ABCB5: variants seen among roughly 807,000 people sequenced by gnomAD.
The protein encoded by ABCB5 is ATP binding cassette subfamily B member 5, also known as ATP-binding cassette sub-family B member 5.
ABCB5 carries 155 observed loss-of-function variants against 144.2 expected under a neutral mutation model. The observed-to-expected ratio is 1.08, with a 90% CI of 0.94 to 1.23. The LOEUF (loss-of-function observed/expected upper bound fraction) is 1.23, where lower values mean the gene tolerates loss of function less well. Ranked by LOEUF, ABCB5 falls within the 50% of genes most tolerant of loss-of-function variation. The pLI, the probability that ABCB5 is intolerant of heterozygous loss-of-function variation, is 0.00. For missense variants in ABCB5, 1,830 were observed against 1,520.8 expected, an observed-to-expected ratio of 1.20 and a Z score of -3.38; for synonymous variants, 610 against 528.6, an observed-to-expected ratio of 1.15 and a Z score of -2.11.
intron 14 of ABCB5, among the ~76,000 whole-genome samples, chr7:20,665,750 GAT>G (rs1246116689): frequency 2.2e-5 from 3 of 139,160 alleles, no homozygotes; most frequent in Non-Finnish European, 4.7e-5. Flanking sequence ...TAGATAGATA[GAT>G]AGATAGATAG....
Position 20,623,319 on chromosome 7 carries a change from G to T in ABCB5, c.34G>T (p.Glu12Ter). Residue 12 changes from glutamate (E) to a stop codon, truncating the protein, a stop_gained, in exon 2 of 28, where the codon GAA becomes TAA. Coordinates refer to ENST00000404938, the MANE Select transcript of ABCB5 (RefSeq NM_001163941.2). LOFTEE classifies it high-confidence loss of function. The stretch of plus-strand genomic sequence containing the variant: ...TTCAGAAAGAGCTGAAGAAATGCAA[G>T]AAAATTATCAGAGAAATGGGTAAGC... ...ENSERAEEMQ[E>*]NYQRNGTAEE... The T allele has an allele frequency of 6.5e-7, 1 of 1,549,510 alleles. No homozygotes were observed. Among genetic ancestry groups the T allele is most frequent in the Non-Finnish European group, 8.7e-7 (1 of 1,144,490 alleles).
At position 20,698,560 on chromosome 7, in the gene ABCB5, A is replaced by G. The variant is rs1215602449; in HGVS notation, c.2154+10A>G. On this transcript the variant is annotated intron_variant, in intron 17 of 27. Transcript: ENST00000404938. ...TGCAAAAATTATAACCGTAAGTAAA[A>G]TAAATTTGCTAATACTTTCAGCAAT... 1 of 1,584,850 alleles carries G rather than the reference A, an allele frequency of 6.3e-7. No homozygotes were observed. Among genetic ancestry groups the G allele is most frequent in the African/African-American group, 1.4e-5 (1 of 73,070 alleles).
At chr7:20,645,722 G>A in intron 7 of ABCB5, 34 bp from the exon 8 acceptor site, 1 of 1,611,606 alleles carries the variant, frequency 6.2e-7, no homozygotes, top group Non-Finnish European at 8.5e-7. Flanking sequence ...ACTACACAGA[G>A]TCATTTTTTA....
chr7:20,689,169 A>G (rs906323204), intron 16 of ABCB5, among the ~76,000 whole-genome samples: 2 of 152,158 alleles, frequency 1.3e-5, no homozygotes, highest in African/African-American at 2.4e-5. Context: ...TCTAAAGAAT[A>G]CAGAAGTAGC....
Position 20,721,356 on chromosome 7 carries a change from C to T in ABCB5, c.2422-1660C>T, listed in dbSNP as rs557124418. Reference sequence around the variant, plus strand: ...TATTGTACGGGACTAGTGATAGTATCCATCTCTTTGCATTGTTATGAGATT... The same window carrying T: ...TATTGTACGGGACTAGTGATAGTATTCATCTCTTTGCATTGTTATGAGATT... On this transcript the variant is annotated intron_variant, in intron 20 of 27. Coordinates refer to ENST00000404938, the MANE Select transcript of ABCB5 (RefSeq NM_001163941.2). Among the ~76,000 whole-genome samples, 96 of 152,154 alleles carry T rather than the reference C, an allele frequency of 6.3e-4. No homozygotes were observed. In the South Asian group the frequency reaches 0.015, roughly 24 times the overall value.
chr7:20,692,294 C>T (rs985852945), intron 16 of ABCB5, among the ~76,000 whole-genome samples: 2 of 151,870 alleles, frequency 1.3e-5, no homozygotes, highest in Admixed American at 6.6e-5. Flanking sequence ...ACAAACTTCT[C>T]ATCAGAAACA....
chr7:20,656,999 G>A (rs1422154463), intron 13 of ABCB5, among the ~76,000 whole-genome samples: 1 of 144,986 alleles, frequency 6.9e-6, no homozygotes, highest in Non-Finnish European at 1.5e-5. Flanking sequence ...CTGCAGCCTC[G>A]ACTTCCCAGG....
intron 23 of ABCB5, among the ~76,000 whole-genome samples, chr7:20,731,866 T>C (rs1782234046): frequency 6.6e-6 from 1 of 152,188 alleles, no homozygotes; most frequent in South Asian, 2.1e-4. Flanking sequence ...CTGTCTTGAC[T>C]GGACCACTGC....
chr7:20,753,418 G>C lies in ABCB5; in HGVS notation c.3488G>C (p.Arg1163Thr), dbSNP rs372306266. 93 of 1,613,978 alleles carry C rather than the reference G, an allele frequency of 5.8e-5. No individual in the cohort carries two copies. The highest frequency in any genetic ancestry group is 7.0e-5 in the Non-Finnish European group (83 of 1,180,002). ...CAGCTTTCTGGCGGCCAGAAACAAA[G>C]ACTAGCTATTGCAAGGGCTCTTCTC... The part of the protein sequence containing the change: ...GAQLSGGQKQ[R>T]LAIARALLQK... The change falls in exon 27 of 28, where the codon AGA becomes ACA. Residue 1163 changes from arginine (R) to threonine (T), a missense_variant. Transcript: ENST00000404938.
chr7:20,669,723 T>TAA (rs35747177), intron 14 of ABCB5, among the ~76,000 whole-genome samples: 3,991 of 64,928 alleles, frequency 0.061, 68 homozygotes, highest in African/African-American at 0.18. Flanking sequence ...GAATGATCAA[T>TAA]AAAAAAAAAA....
chr7:20,646,305 T>A (rs892173801), intron 9 of ABCB5, among the ~76,000 whole-genome samples, 167 bp downstream of exon 9: 2 of 152,252 alleles, frequency 1.3e-5, no homozygotes, highest in Admixed American at 6.5e-5. Flanking sequence ...AGTTATGAAT[T>A]GACAGCATTT....
chr7:20,702,255 T>C (rs997683128), intron 19 of ABCB5, among the ~76,000 whole-genome samples: 1 of 152,248 alleles, frequency 6.6e-6, no homozygotes, highest in South Asian at 2.1e-4. Context: ...TATAGAGCTA[T>C]TGAGTTTTTG....
chr7:20,631,968 T>C (rs1380163761), intron 4 of ABCB5, 91 bp from the exon 5 acceptor site: 3 of 655,328 alleles, frequency 4.6e-6, no homozygotes, highest in African/African-American at 1.9e-5. Flanking sequence ...GTCTTAAGAG[T>C]GCACTATATT....
chr7:20,707,627 A>G (rs896192553), intron 20 of ABCB5, among the ~76,000 whole-genome samples: 3 of 152,204 alleles, frequency 2.0e-5, no homozygotes, highest in African/African-American at 7.2e-5. Flanking sequence ...CACAGTGTGC[A>G]TTTGATATAC....
intron 14 of ABCB5, among the ~76,000 whole-genome samples, chr7:20,661,452 A>G (rs1784998384): frequency 6.6e-6 from 1 of 152,194 alleles, no homozygotes; most frequent in African/African-American, 2.4e-5. Flanking sequence ...AACAGCCAAC[A>G]GATATTGTTG....
rs1236460929 is a variant in ABCB5 at position 20,738,965 on chromosome 7, T to G, written c.2868-18T>G. 3 of 1,568,290 alleles carry G rather than the reference T, an allele frequency of 1.9e-6. No homozygotes were observed. Among genetic ancestry groups the G allele is most frequent in the Non-Finnish European group, 2.6e-6 (3 of 1,158,964 alleles). ...AGGATCGATGGACCTAAGATTCAAA[T>G]GCTTTATCTTTTGATAGAGTTTTTA... is the stretch of plus-strand genomic sequence containing the variant. On this transcript the variant is annotated intron_variant, in intron 23 of 27. Coordinates refer to ENST00000404938, the MANE Select transcript of ABCB5 (RefSeq NM_001163941.2).
chr7:20,728,288 T>C (rs1782100511), intron 22 of ABCB5, 27 bp from the exon 23 acceptor site: 1 of 1,610,632 alleles, frequency 6.2e-7, no homozygotes, highest in Middle Eastern at 1.7e-4. Flanking sequence ...TCATGCCTCA[T>C]TATTTGGTAA....
intron 23 of ABCB5, among the ~76,000 whole-genome samples, chr7:20,730,432 C>T (rs1423255199): frequency 1.3e-5 from 2 of 152,134 alleles, no homozygotes; most frequent in African/African-American, 2.4e-5. Flanking sequence ...TCACTTGACC[C>T]GAGGAGGCAG....
At chr7:20,703,705 G>C (rs1244399193) in intron 19 of ABCB5, among the ~76,000 whole-genome samples, 1 of 152,208 alleles carries the variant, frequency 6.6e-6, no homozygotes, top group Non-Finnish European at 1.5e-5. Flanking sequence ...AGTGGTTCCA[G>C]TGAGTGTGAG....
Sources: gnomAD v4.1 joint callset for allele counts (sites outside exome capture counted in the v4.1 genomes callset) on GRCh38, gnomAD v4.1.1 for gene constraint, MANE v1.5 for transcripts, NCBI Gene and HGNC (gene_info 2026-07-23, HGNC 2026-07-21) for gene names.